The following CSRNP3 variants were observed in gnomAD, a reference collection of about 807,000 sequenced individuals.
CSRNP3 encodes the protein cysteine/serine-rich nuclear protein 3.
In CSRNP3, 12 loss-of-function variants were observed where a neutral mutation model predicts 48.0. The observed-to-expected ratio is 0.25, with a 90% CI of 0.16 to 0.41. The LOEUF (loss-of-function observed/expected upper bound fraction) is 0.41. Among genes scored for constraint, CSRNP3 ranks in the 10% least tolerant of loss-of-function variants. CSRNP3 has a pLI of 1.00. For missense variants in CSRNP3, 580 were observed against 724.4 expected, an observed-to-expected ratio of 0.80 and a Z score of 2.29; for synonymous variants, 263 against 269.7, an observed-to-expected ratio of 0.98 and a Z score of 0.24.
chr2:165,646,473 T>C (rs1686813767), intron 4 of CSRNP3, among the ~76,000 whole-genome samples: 1 of 152,186 alleles, frequency 6.6e-6, no homozygotes, highest in Admixed American at 6.5e-5. Context: ...GAAAATGCTG[T>C]TTAATCCTTG....
At chr2:165,617,268 CATA>C (rs1686262184) in intron 4 of CSRNP3, among the ~76,000 whole-genome samples, 1 of 150,816 alleles carries the variant, frequency 6.6e-6, no homozygotes, top group Non-Finnish European at 1.5e-5. Context: ...GCACATCTGG[CATA>C]ATAATTGCTT....
intron 3 of CSRNP3, among the ~76,000 whole-genome samples, chr2:165,570,670 C>A (rs1285483896): frequency 2.0e-5 from 3 of 151,052 alleles, no homozygotes; most frequent in African/African-American, 4.9e-5. Flanking sequence ...AATATATTAA[C>A]TAGGATGTAC....
intron 3 of CSRNP3, among the ~76,000 whole-genome samples, chr2:165,584,015 T>C (rs889374979): frequency 6.6e-6 from 1 of 152,158 alleles, no homozygotes; most frequent in African/African-American, 2.4e-5. Context: ...TTAGGTACAA[T>C]GCTTGTATAA....
chr2:165,472,862 ATAT>A (rs1384203164), intron 1 of CSRNP3, among the ~76,000 whole-genome samples: 3 of 152,148 alleles, frequency 2.0e-5, no homozygotes, highest in Non-Finnish European at 4.4e-5. Context: ...TGTAGCCAAC[ATAT>A]TATTTAAAGT....
rs1687035223 is a variant in CSRNP3 at position 165,658,027 on chromosome 2, A to T, written c.408+7A>T. On this transcript the variant is annotated splice_region_variant and intron_variant, in intron 5 of 6. Transcript: ENST00000651982. Reference sequence around the variant, plus strand: ...GAACTCCTTAAAACTAAAGGTAAAAAACAAACTCATTTTCTGCAAAGTCTC... The same window carrying T: ...GAACTCCTTAAAACTAAAGGTAAAATACAAACTCATTTTCTGCAAAGTCTC... 1 of 1,602,986 alleles carries T rather than the reference A, an allele frequency of 6.2e-7. No individual in the cohort carries two copies. The highest frequency in any genetic ancestry group is 1.1e-5 in the South Asian group (1 of 90,724).
intron 4 of CSRNP3, among the ~76,000 whole-genome samples, chr2:165,599,335 GAAA>G (rs749243535): frequency 1.7e-4 from 24 of 142,298 alleles, no homozygotes; most frequent in African/African-American, 4.5e-4. Flanking sequence ...GAAAGGAAAA[GAAA>G]AAAAGAAAGA....
At chr2:165,639,327 G>A (rs1686687757) in intron 4 of CSRNP3, among the ~76,000 whole-genome samples, 1 of 152,170 alleles carries the variant, frequency 6.6e-6, no homozygotes, top group African/African-American at 2.4e-5. Flanking sequence ...AGCCTCAACT[G>A]GGAACATACA....
intron 4 of CSRNP3, among the ~76,000 whole-genome samples, chr2:165,598,821 A>G (rs1353565390): frequency 1.3e-5 from 2 of 152,226 alleles, no homozygotes; most frequent in Non-Finnish European, 2.9e-5. Context: ...AGATTTAATA[A>G]AAAGTGCCCT....
intron 4 of CSRNP3, among the ~76,000 whole-genome samples, chr2:165,615,816 C>T (rs1270891996): frequency 6.6e-6 from 1 of 151,004 alleles, no homozygotes; most frequent in Non-Finnish European, 1.5e-5. Flanking sequence ...CTCACTGCAG[C>T]ATCGACCTCC....
intron 3 of CSRNP3, among the ~76,000 whole-genome samples, chr2:165,585,891 G>A (rs946859878): frequency 2.6e-5 from 4 of 152,180 alleles, no homozygotes; most frequent in East Asian, 3.9e-4. Context: ...AGGATAAACC[G>A]AATCTCCCAA....
At chr2:165,508,517 C>T (rs1222170012) in intron 2 of CSRNP3, among the ~76,000 whole-genome samples, 2 of 152,048 alleles carry the variant, frequency 1.3e-5, no homozygotes, top group Non-Finnish European at 2.9e-5. Context: ...TCCCCTCTGT[C>T]CTTCATTCAC....
chr2:165,602,798 A>G (rs1281079961), intron 4 of CSRNP3, among the ~76,000 whole-genome samples: 1 of 152,184 alleles, frequency 6.6e-6, no homozygotes, highest in Admixed American at 6.5e-5. Context: ...GTTCATATCA[A>G]ATATTTCTTT....
intron 3 of CSRNP3, chr2:165,573,990 A>G: frequency 5.6e-6 from 1 of 179,154 alleles, no homozygotes; most frequent in Non-Finnish European, 1.2e-5. Context: ...GTGGGGAGGG[A>G]GTAAGCAGTG....
chr2:165,666,749 G>A (rs1329318411), intron 5 of CSRNP3, among the ~76,000 whole-genome samples: 5 of 137,948 alleles, frequency 3.6e-5, no homozygotes, highest in Non-Finnish European at 6.2e-5. Flanking sequence ...AGAGAGGAAG[G>A]AAGGAGAGAG....
At chr2:165,608,409 C>T (rs764251411) in intron 4 of CSRNP3, among the ~76,000 whole-genome samples, 18 of 151,964 alleles carry the variant, frequency 1.2e-4, no homozygotes, top group African/African-American at 2.7e-4. Flanking sequence ...AACTTTGGAA[C>T]GGTTCATGAA....
intron 1 of CSRNP3, among the ~76,000 whole-genome samples, chr2:165,485,218 A>G (rs537437442): frequency 2.0e-5 from 3 of 152,264 alleles, no homozygotes; most frequent in East Asian, 3.9e-4. Flanking sequence ...ATACAATTCA[A>G]TCTTTCTCTA....
At chr2:165,525,631 G>A (rs1388176058) in intron 3 of CSRNP3, among the ~76,000 whole-genome samples, 4 of 151,412 alleles carry the variant, frequency 2.6e-5, no homozygotes, top group Non-Finnish European at 5.9e-5. Flanking sequence ...GACTACAGGC[G>A]TGTGACACCA....
At position 165,671,906 on chromosome 2, in the gene CSRNP3, C is replaced by T. The variant is rs72881638; in HGVS notation, c.409-4406C>T. 6.9e-3 allele frequency among the ~76,000 whole-genome samples: 1,043 copies of T among 152,232 alleles called. 17 individuals carry two copies. Among genetic ancestry groups the T allele is most frequent in the Admixed American group, 0.041 (631 of 15,288 alleles). ...TTCAAAGTTCCACATATCTCTAGAG[C>T]GGGGAAAAAATCCACCAGCCTCTTT... On this transcript the variant is annotated intron_variant, in intron 5 of 6. Coordinates refer to ENST00000651982, the MANE Select transcript of CSRNP3 (RefSeq NM_001172173.2).
chr2:165,610,782 T>C (rs548980552), intron 4 of CSRNP3, among the ~76,000 whole-genome samples: 2 of 152,310 alleles, frequency 1.3e-5, no homozygotes, highest in African/African-American at 4.8e-5. Context: ...CATCAGGCTT[T>C]AAAAATATCA....
Sources: allele counts gnomAD v4.1 joint callset (sites outside exome capture counted in the v4.1 genomes callset), GRCh38; gene constraint gnomAD v4.1.1; transcripts MANE v1.5; gene names NCBI Gene and HGNC (gene_info 2026-07-23, HGNC 2026-07-21).